AP2B1: variants seen among roughly 807,000 people sequenced by gnomAD.
The protein encoded by AP2B1 is adaptor related protein complex 2 subunit beta 1.
Under a neutral mutation model 102.0 loss-of-function variants are expected in AP2B1, and 23 were observed. That is an observed-to-expected ratio of 0.23 (90% CI 0.16 to 0.32). The LOEUF (loss-of-function observed/expected upper bound fraction) is 0.32, where lower values mean the gene tolerates loss of function less well. AP2B1 is among the 10% of genes least tolerant of loss of function. AP2B1 has a pLI of 1.00. For missense variants in AP2B1, 541 were observed against 1,157.4 expected, an observed-to-expected ratio of 0.47 and a Z score of 7.73; for synonymous variants, 381 against 421.2, an observed-to-expected ratio of 0.90 and a Z score of 1.17.
At chr17:35,671,673 A>G (rs1420579994) in intron 15 of AP2B1, 81 bp from the exon 16 acceptor site, 3 of 1,385,988 alleles carry the variant, frequency 2.2e-6, no homozygotes, top group Non-Finnish European at 3.0e-6. Context: ...TATCAAAACT[A>G]CTAAGATATA....
chr17:35,604,457 GA>G (rs373538334), intron 3 of AP2B1, among the ~76,000 whole-genome samples: 104 of 144,514 alleles, frequency 7.2e-4, no homozygotes, highest in African/African-American at 1.5e-3. Context: ...AAAGGTAGTG[GA>G]AAAAAAAAAA....
chr17:35,676,359 AT>A (rs966314433), intron 17 of AP2B1, among the ~76,000 whole-genome samples: 2 of 151,782 alleles, frequency 1.3e-5, no homozygotes, highest in South Asian at 4.2e-4. Flanking sequence ...CTTTTCTATA[AT>A]TTTTTATAAA....
intron 12 of AP2B1, among the ~76,000 whole-genome samples, chr17:35,642,369 GTAGT>G (rs2074807083): frequency 6.6e-6 from 1 of 152,202 alleles, no homozygotes; most frequent in African/African-American, 2.4e-5. Flanking sequence ...ACCTTCCAGA[GTAGT>G]TGCCTTTCTC....
intron 20 of AP2B1, among the ~76,000 whole-genome samples, chr17:35,711,521 T>C (rs587757944): frequency 1.4e-3 from 210 of 150,008 alleles, no homozygotes; most frequent in African/African-American, 4.7e-3. Context: ...CAGGCTGGAG[T>C]GCAGTGGCAC....
intron 5 of AP2B1, among the ~76,000 whole-genome samples, chr17:35,613,083 T>C (rs947385342): frequency 1.3e-5 from 2 of 151,624 alleles, no homozygotes; most frequent in Admixed American, 6.6e-5. Context: ...TTTACTGCTC[T>C]TGAGGAGTGA....
At chr17:35,690,261 G>C (rs906616915) in intron 18 of AP2B1, among the ~76,000 whole-genome samples, 1 of 152,092 alleles carries the variant, frequency 6.6e-6, no homozygotes, top group Non-Finnish European at 1.5e-5. Context: ...TTCAGATATT[G>C]TACTTTTTAA....
intron 20 of AP2B1, among the ~76,000 whole-genome samples, chr17:35,711,984 A>G (rs1263014379): frequency 1.3e-5 from 2 of 152,224 alleles, no homozygotes; most frequent in Non-Finnish European, 2.9e-5. Flanking sequence ...TCAGACAGGC[A>G]TCTTTGCATA....
intron 21 of AP2B1, among the ~76,000 whole-genome samples, chr17:35,718,312 C>CTGTGTGTG (rs57852031): frequency 1.2e-3 from 163 of 139,348 alleles, no homozygotes; most frequent in East Asian, 1.5e-3. Flanking sequence ...GTTGGAGTAG[C>CTGTGTGTG]TGTGTGTGTG....
chr17:35,597,231 T>G, intron 2 of AP2B1: 1 of 385,056 alleles, frequency 2.6e-6, no homozygotes, highest in Non-Finnish European at 4.8e-6. Flanking sequence ...GTATGGTAGA[T>G]GAGCTGGAGG....
At chr17:35,682,543 C>A (rs185019727) in intron 17 of AP2B1, 152 bp from the exon 18 acceptor site, 2 of 532,974 alleles carry the variant, frequency 3.8e-6, no homozygotes, top group Non-Finnish European at 3.2e-6. Context: ...AGGGTTTCAC[C>A]ATGTTGGCCA....
At chr17:35,674,085 G>A (rs2075647808) in intron 16 of AP2B1, 91 bp from the exon 17 acceptor site, 2 of 1,320,402 alleles carry the variant, frequency 1.5e-6, no homozygotes, top group Non-Finnish European at 1.0e-6. Flanking sequence ...TCACTTAATT[G>A]TTAATCTTAA....
chr17:35,625,882 A>G (rs1028338256), intron 6 of AP2B1, among the ~76,000 whole-genome samples: 8 of 152,128 alleles, frequency 5.3e-5, no homozygotes, highest in Non-Finnish European at 4.4e-5. Flanking sequence ...AGTACAGCCT[A>G]TTTATCTTCT....
intron 18 of AP2B1, among the ~76,000 whole-genome samples, chr17:35,693,556 T>C (rs775680813): frequency 6.6e-6 from 1 of 152,188 alleles, no homozygotes; most frequent in Non-Finnish European, 1.5e-5. Flanking sequence ...ATTGTTCTAA[T>C]TTTAGAAGAA....
chr17:35,709,646 CT>C (rs2076408813), intron 19 of AP2B1, among the ~76,000 whole-genome samples: 1 of 152,174 alleles, frequency 6.6e-6, no homozygotes, highest in African/African-American at 2.4e-5. Context: ...CTTTTTGGAA[CT>C]TCCGCTTCCA....
chr17:35,686,894 G>A (rs371225063), intron 18 of AP2B1, among the ~76,000 whole-genome samples: 136 of 152,208 alleles, frequency 8.9e-4, no homozygotes, highest in South Asian at 8.3e-4. Context: ...TGAGAATGGC[G>A]TGAACCCGGG....
intron 1 of AP2B1, among the ~76,000 whole-genome samples, chr17:35,593,626 T>C (rs2073171515): frequency 1.3e-5 from 2 of 152,200 alleles, no homozygotes; most frequent in African/African-American, 4.8e-5. Flanking sequence ...AGAATATATG[T>C]TTTGGAGTGA....
In AP2B1 at chr17:35,681,623, G is replaced by A. The variant is rs113519796; in HGVS notation, c.2325-1072G>A. 5.2e-3 allele frequency among the ~76,000 whole-genome samples: 787 copies of A among 151,878 alleles called. 10 individuals are homozygous for A. Among genetic ancestry groups the A allele is most frequent in the African/African-American group, 0.018 (751 of 41,390 alleles). ...GGTGGGGGGTGGGCAGTAAAGACAC[G>A]GTCTCATTATATTAAGTGACCCTCC... On this transcript the variant is annotated intron_variant, in intron 17 of 21. Coordinates refer to ENST00000610402, the MANE Select transcript of AP2B1 (RefSeq NM_001030006.2).
At chr17:35,663,922 A>G (rs918247303) in intron 14 of AP2B1, among the ~76,000 whole-genome samples, 2 of 152,172 alleles carry the variant, frequency 1.3e-5, no homozygotes, top group African/African-American at 4.8e-5. Flanking sequence ...AGCAAGAGGA[A>G]CAGATTGTTC....
rs201391290 is a variant in AP2B1 at position 35,627,465 on chromosome 17, A to G, written c.1019A>G (p.Asp340Gly). 1 of 1,614,040 alleles carries G rather than the reference A, an allele frequency of 6.2e-7. No individual in the cohort carries two copies. The change falls in exon 8 of 22, where the codon GAC (aspartate) becomes GGC (glycine). Residue 340 changes from aspartate to glycine, a missense_variant. This residue lies in a region of AP2B1 where 134 missense variants were observed against 250.2 expected (regional missense o/e 0.54). Coordinates refer to ENST00000610402, the MANE Select transcript of AP2B1 (RefSeq NM_001030006.2). ...ATCTATGTTAAACTAGAGAAGTTGGACATCATGATTCGTTTGGCATCTCAA... is the reference window on the plus strand; with the variant it reads ...ATCTATGTTAAACTAGAGAAGTTGGGCATCATGATTCGTTTGGCATCTCAA... ...DPIYVKLEKL[D>G]IMIRLASQAN...
Sources: gnomAD v4.1 joint callset for allele counts (sites outside exome capture counted in the v4.1 genomes callset) on GRCh38, gnomAD v4.1.1 for gene constraint, gnomAD v4.1.1 regional missense constraint, MANE v1.5 for transcripts, NCBI Gene and HGNC (gene_info 2026-07-23, HGNC 2026-07-21) for gene names.